LYPLA1: variants seen among roughly 807,000 people sequenced by gnomAD.
The protein encoded by LYPLA1 is lysophospholipase 1, also known as acyl-protein thioesterase 1.
A neutral mutation model predicts 34.0 loss-of-function variants in LYPLA1; 17 were observed. The ratio of observed to expected loss-of-function variants is 0.50; its 90% confidence interval spans 0.34 to 0.75. The LOEUF is 0.75. LYPLA1 is among the 30% of genes least tolerant of loss of function. LYPLA1 has a pLI of 0.01. For missense variants in LYPLA1, 203 were observed against 288.8 expected, an observed-to-expected ratio of 0.70 and a Z score of 2.15; for synonymous variants, 98 against 100.8, an observed-to-expected ratio of 0.97 and a Z score of 0.17.
Position 54,055,067 on chromosome 8 carries a change from A to G in LYPLA1, c.353T>C (p.Phe118Ser). ...IPSNRIILGG[F>S]SQGGALSLYT... ...ACTCAAATTTTATCTTACCTGAGAA[A>G]ACCCTCCCAAAATAATTCTGTTAGA... Residue 118 changes from phenylalanine to serine, a missense_variant, in exon 6 of 9, where the codon TTT (phenylalanine) becomes TCT (serine). By Grantham distance (155) the Phe-to-Ser change is radical. Coordinates refer to ENST00000316963, the MANE Select transcript of LYPLA1 (RefSeq NM_006330.4). 6.2e-7 allele frequency: 1 copy of G among 1,600,224 alleles called. No homozygotes were observed.
chr8:54,066,777 T>C (rs1807098962), intron 2 of LYPLA1, among the ~76,000 whole-genome samples: 1 of 149,128 alleles, frequency 6.7e-6, no homozygotes, highest in East Asian at 2.0e-4. Context: ...CGAGACTCCA[T>C]CTCAAAAAAA....
At chr8:54,045,353 A>G (rs1805451969), downstream of LYPLA1, among the ~76,000 whole-genome samples, 1 of 152,250 alleles carries the variant, frequency 6.6e-6, no homozygotes, top group South Asian at 2.1e-4. Context: ...ATTTACATAT[A>G]GATACAACTA....
chr8:54,101,319 C>T (rs1359613418), intron 1 of LYPLA1: 19 of 1,073,078 alleles, frequency 1.8e-5, no homozygotes, highest in Non-Finnish European at 1.9e-5. Context: ...ACTTTTCATA[C>T]ACGAGTTTTC....
rs2129324153 is a variant in LYPLA1, at chr8:54,052,152, A to G, written c.462+503T>C. On this transcript the variant is annotated intron_variant, in intron 7 of 8. Transcript: ENST00000316963. ...AGGCATGAGCCACCGCACCTGGTCT[A>G]AAAATAAGTATGATTTCTATATGTT... is the stretch of plus-strand genomic sequence containing the variant. 2.0e-5 allele frequency among the ~76,000 whole-genome samples: 3 copies of G among 152,274 alleles called. 1 individual carries two copies. The Middle Eastern group carries it at 0.01, about 518-fold the overall frequency.
chr8:54,092,339 A>AAGGAGGAAGAGGAGGAGAAGG (rs1310217500), intron 2 of LYPLA1, among the ~76,000 whole-genome samples: 2 of 151,398 alleles, frequency 1.3e-5, no homozygotes, highest in East Asian at 3.9e-4. Flanking sequence ...ACAGAGAGAG[A>AAGGAGGAAGAGGAGGAGAAGG]AGGAGGAAGA....
intron 8 of LYPLA1, among the ~76,000 whole-genome samples, 182 bp downstream of exon 8, chr8:54,050,830 T>C (rs145151465): frequency 1.3e-5 from 2 of 152,364 alleles, no homozygotes; most frequent in African/African-American, 2.4e-5. Context: ...CTGTGTATAA[T>C]AGCCAATCAG....
At chr8:54,056,321 G>T (rs1806202311) in intron 5 of LYPLA1, among the ~76,000 whole-genome samples, 1 of 152,120 alleles carries the variant, frequency 6.6e-6, no homozygotes, top group African/African-American at 2.4e-5. Context: ...TTAAATCTAA[G>T]ATCTCAAACT....
intron 2 of LYPLA1, among the ~76,000 whole-genome samples, chr8:54,067,789 G>A (rs575377954): frequency 2.7e-5 from 4 of 149,180 alleles, no homozygotes; most frequent in South Asian, 4.3e-4. Context: ...CCCACCTCCC[G>A]GGCTCACACC....
intron 3 of LYPLA1, 52 bp downstream of exon 3, chr8:54,065,696 A>G (rs1440071662): frequency 5.0e-6 from 7 of 1,413,934 alleles, no homozygotes; most frequent in South Asian, 4.7e-5. Flanking sequence ...AGCAATCACA[A>G]TTGCTCCTCT....
In LYPLA1 at chr8:54,078,586, A is replaced by G. The variant is rs1414413634; in HGVS notation, c.102-12773T>C. On this transcript the variant is annotated intron_variant, in intron 2 of 8. Coordinates refer to ENST00000316963, the MANE Select transcript of LYPLA1 (RefSeq NM_006330.4). ...TGTAAGTCAAGGCGCATCTATATTCAGCTAAAGGTCACCAGATTTGGCTGA... is the reference window on the plus strand; with the variant it reads ...TGTAAGTCAAGGCGCATCTATATTCGGCTAAAGGTCACCAGATTTGGCTGA... 2.0e-5 allele frequency among the ~76,000 whole-genome samples: 3 copies of G among 152,332 alleles called. No individual in the cohort carries two copies. In the South Asian group the frequency reaches 6.2e-4, roughly 32 times the overall value.
intron 5 of LYPLA1, among the ~76,000 whole-genome samples, chr8:54,058,535 C>T (rs1806364044): frequency 6.6e-6 from 1 of 152,084 alleles, no homozygotes; most frequent in African/African-American, 2.4e-5. Context: ...GAGAGCAAGA[C>T]TCCATCTCAA....
chr8:54,067,266 TAGG>T (rs1384210958), intron 2 of LYPLA1, among the ~76,000 whole-genome samples: 5 of 152,172 alleles, frequency 3.3e-5, no homozygotes, highest in African/African-American at 1.2e-4. Context: ...GAGGCTGAGG[TAGG>T]AGGACAGCTT....
chr8:54,080,048 T>C (rs1012522530), intron 2 of LYPLA1, among the ~76,000 whole-genome samples: 2 of 152,120 alleles, frequency 1.3e-5, no homozygotes, highest in Non-Finnish European at 2.9e-5. Flanking sequence ...CAGCTAATTA[T>C]AGTTTTGGGA....
At chr8:54,084,133 A>AAAAAAAAAAATATATATAT (rs1373090573) in intron 2 of LYPLA1, among the ~76,000 whole-genome samples, 1 of 120,446 alleles carries the variant, frequency 8.3e-6, no homozygotes, top group African/African-American at 4.6e-5. Context: ...AGAAAAAAAA[A>AAAAAAAAAAATATATATAT]ATAAATAAAT....
chr8:54,088,985 A>C (rs962913470), intron 2 of LYPLA1, among the ~76,000 whole-genome samples: 1 of 152,224 alleles, frequency 6.6e-6, no homozygotes, highest in Admixed American at 6.5e-5. Flanking sequence ...CAAAAGACCA[A>C]ATATTATCTG....
At chr8:54,053,419 G>C (rs577955923) in intron 6 of LYPLA1, 4 of 326,278 alleles carry the variant, frequency 1.2e-5, no homozygotes, top group Non-Finnish European at 2.4e-5. Flanking sequence ...CTTTCTAAAT[G>C]AGAATTTAAG....
At chr8:54,048,273 C>A (rs1280241864) in intron 8 of LYPLA1, among the ~76,000 whole-genome samples, 155 bp from the exon 9 acceptor site, 2 of 152,146 alleles carry the variant, frequency 1.3e-5, no homozygotes, top group African/African-American at 2.4e-5. Flanking sequence ...GAGGCTCCAA[C>A]AGAAATTTCA....
chr8:54,097,226 A>G (rs367913353), intron 2 of LYPLA1, among the ~76,000 whole-genome samples: 11 of 152,330 alleles, frequency 7.2e-5, no homozygotes, highest in African/African-American at 2.4e-4. Flanking sequence ...TACAACAATA[A>G]AAGGACTCAG....
chr8:54,100,844 C>T, intron 2 of LYPLA1, 64 bp downstream of exon 2: 1 of 1,305,906 alleles, frequency 7.7e-7, no homozygotes, highest in Non-Finnish European at 1.1e-6. Context: ...AACCTTTGAA[C>T]GCGTAAACAA....
Sources: gnomAD v4.1 joint callset for allele counts (sites outside exome capture counted in the v4.1 genomes callset) on GRCh38, gnomAD v4.1.1 for gene constraint, MANE v1.5 for transcripts, NCBI Gene and HGNC (gene_info 2026-07-23, HGNC 2026-07-21) for gene names.